The following RFTN2 variants were observed in gnomAD, a reference collection of about 807,000 sequenced individuals.
RFTN2 encodes the protein raftlin-2.
In RFTN2, 34 loss-of-function variants were observed where a neutral mutation model predicts 52.7. The ratio of observed to expected loss-of-function variants is 0.64; its 90% CI spans 0.49 to 0.86. RFTN2 has a LOEUF of 0.86. Ranked by LOEUF, RFTN2 falls within the 40% of genes least tolerant of loss-of-function variation. The pLI, the probability that RFTN2 is intolerant of heterozygous loss-of-function variation, is 0.00. For missense variants in RFTN2, 536 were observed against 600.1 expected (o/e 0.89, Z 1.12); for synonymous variants, 203 against 217.7 (o/e 0.93, Z 0.59).
chr2:197,664,475 CAAA>C (rs60640814), intron 1 of RFTN2, among the ~76,000 whole-genome samples: 4 of 143,366 alleles, frequency 2.8e-5, no homozygotes, highest in Admixed American at 7.0e-5. Flanking sequence ...GACCCCATCT[CAAA>C]AAAAAAAAAA....
intron 5 of RFTN2, among the ~76,000 whole-genome samples, chr2:197,620,401 G>A (rs1332392433): frequency 1.3e-5 from 2 of 152,264 alleles, no homozygotes; most frequent in East Asian, 3.9e-4. Flanking sequence ...GTCATGTGCT[G>A]CTTAAACATT....
intron 1 of RFTN2, among the ~76,000 whole-genome samples, chr2:197,673,272 A>G (rs965721534): frequency 6.6e-6 from 1 of 152,184 alleles, no homozygotes; most frequent in Non-Finnish European, 1.5e-5. Context: ...GAAAGCTGGC[A>G]TGTTTTAACC....
chr2:197,645,292 A>G (rs558973012), intron 2 of RFTN2, among the ~76,000 whole-genome samples: 2 of 152,326 alleles, frequency 1.3e-5, no homozygotes, highest in South Asian at 4.1e-4. Flanking sequence ...CAGACTGTAC[A>G]GGTTTGGAGT....
chr2:197,568,418 A>G lies in RFTN2; in HGVS notation c.*3590T>C, dbSNP rs1306999552. On this transcript the variant is annotated 3_prime_UTR_variant, in exon 9 of 9. Transcript: ENST00000295049. The stretch of plus-strand genomic sequence containing the variant: ...TGCCTAATTTTCTGCCTCAAACACC[A>G]TCTCAGAACTTAAATATCTGACAGA... 6.6e-6 allele frequency: 1 copy of G among 152,214 alleles called. No homozygotes were observed. The highest frequency in any genetic ancestry group is 1.5e-5 in the Non-Finnish European group (1 of 68,040). The allele number at this position is 152,214 out of a possible 1,614,324, so 9.4% of individuals were successfully genotyped here.
intron 7 of RFTN2, among the ~76,000 whole-genome samples, chr2:197,605,604 T>C (rs1289343751): frequency 1.3e-5 from 2 of 152,170 alleles, no homozygotes; most frequent in African/African-American, 2.4e-5. Context: ...TTTCTGACAT[T>C]GCTTTGCTTA....
At chr2:197,666,018 T>G (rs1421757988) in intron 1 of RFTN2, among the ~76,000 whole-genome samples, 1 of 152,208 alleles carries the variant, frequency 6.6e-6, no homozygotes, top group African/African-American at 2.4e-5. Flanking sequence ...CTTGAACATT[T>G]CTCATAGGGC....
At chr2:197,575,230 C>T (rs1049809078) in intron 8 of RFTN2, among the ~76,000 whole-genome samples, 4 of 152,204 alleles carry the variant, frequency 2.6e-5, no homozygotes, top group African/African-American at 7.2e-5. Context: ...TCACCTTCCG[C>T]CATGGTTGTG....
chr2:197,633,991 C>T lies in RFTN2; in HGVS notation c.445G>A (p.Val149Ile), dbSNP rs756237903. The T allele has an allele frequency of 6.2e-7, 1 of 1,605,944 alleles. No individual in the cohort carries two copies. Among genetic ancestry groups the T allele is most frequent in the East Asian group, 2.2e-5 (1 of 44,810 alleles). ...AATTTCATTCCTCTTTTAGCAGCGACATTAATCTGATATTTAAAAAGAGAT... is the reference window on the plus strand; with the variant it reads ...AATTTCATTCCTCTTTTAGCAGCGATATTAATCTGATATTTAAAAAGAGAT... ...AAKELIEKIN[V>I]AAKRGMKFVG... Residue 149 changes from valine (V) to isoleucine (I), a missense_variant, in exon 4 of 9, where the codon GTC becomes ATC. Val to Ile is a conservative substitution (Grantham distance 29, BLOSUM62 3). Coordinates refer to ENST00000295049, the MANE Select transcript of RFTN2 (RefSeq NM_144629.3).
intron 7 of RFTN2, among the ~76,000 whole-genome samples, chr2:197,608,395 C>T (rs2087996491): frequency 6.6e-6 from 1 of 151,418 alleles, no homozygotes. Context: ...CACTGCAACC[C>T]CTGCCTCCCT....
intron 7 of RFTN2, among the ~76,000 whole-genome samples, chr2:197,609,735 G>T (rs1402653765): frequency 6.6e-6 from 1 of 152,140 alleles, no homozygotes; most frequent in Non-Finnish European, 1.5e-5. Context: ...TTCTTCTAGG[G>T]TTTTTATGGT....
intron 7 of RFTN2, among the ~76,000 whole-genome samples, chr2:197,600,216 C>G (rs1559344539): frequency 6.6e-6 from 1 of 152,050 alleles, no homozygotes; most frequent in Non-Finnish European, 1.5e-5. Flanking sequence ...TTCCAGTGGC[C>G]CTATGGGGAG....
chr2:197,593,759 T>C (rs1218157512), intron 8 of RFTN2, among the ~76,000 whole-genome samples: 2 of 151,414 alleles, frequency 1.3e-5, no homozygotes, highest in Non-Finnish European at 2.9e-5. Context: ...TGGTGGTGTG[T>C]GCCTGTAGTC....
At chr2:197,588,165 C>A (rs1248513642) in intron 8 of RFTN2, 2 of 381,924 alleles carry the variant, frequency 5.2e-6, no homozygotes, top group Non-Finnish European at 1.0e-5. Flanking sequence ...ATAATTCCAT[C>A]TCCCAGAAAT....
chr2:197,666,575 T>C (rs950599591), intron 1 of RFTN2, among the ~76,000 whole-genome samples: 4 of 152,228 alleles, frequency 2.6e-5, no homozygotes, highest in Non-Finnish European at 4.4e-5. Flanking sequence ...AATTCTCTCT[T>C]TGTATTTAAC....
chr2:197,603,287 TAAAC>T (rs1318160083), intron 7 of RFTN2, among the ~76,000 whole-genome samples: 2 of 152,166 alleles, frequency 1.3e-5, no homozygotes, highest in African/African-American at 4.8e-5. Flanking sequence ...AGAGATTTCT[TAAAC>T]AATATACTAA....
rs2087790292 is a variant in RFTN2, at chr2:197,596,030, C to T, written c.1194G>A (p.Gln398=). ...CAGCTGAATTCCACATAACTGGCCT[C>T]TGAAGGAATACGATCTGCTTTGTAG... ...NLATKQIVFL[Q]RPVMWNSAAQ... is the part of the protein sequence containing the mutation. The change falls in exon 8 of 9, where the codon CAG becomes CAA. Residue 398 remains glutamine, a synonymous_variant. Coordinates refer to ENST00000295049, the MANE Select transcript of RFTN2 (RefSeq NM_144629.3). 2 of 1,612,638 alleles carry T rather than the reference C, an allele frequency of 1.2e-6. No individual in the cohort carries two copies. The highest frequency in any genetic ancestry group is 1.3e-5 in the African/African-American group (1 of 74,888).
intron 5 of RFTN2, among the ~76,000 whole-genome samples, chr2:197,625,385 T>C (rs947224625): frequency 6.6e-6 from 1 of 152,176 alleles, no homozygotes; most frequent in Non-Finnish European, 1.5e-5. Flanking sequence ...ATATTGACAT[T>C]CCTGTAAAGG....
chr2:197,660,253 T>G (rs2088958994), intron 1 of RFTN2, among the ~76,000 whole-genome samples: 1 of 152,220 alleles, frequency 6.6e-6, no homozygotes, highest in Admixed American at 6.5e-5. Context: ...CCATAATAAA[T>G]TGTTAAGCAA....
At chr2:197,575,305 C>A (rs1429781044) in intron 8 of RFTN2, among the ~76,000 whole-genome samples, 6 of 152,124 alleles carry the variant, frequency 3.9e-5, no homozygotes, top group African/African-American at 9.7e-5. Context: ...ATTACCCAGT[C>A]TTGGGTATGT....
Sources: gnomAD v4.1 joint callset for allele counts (sites outside exome capture counted in the v4.1 genomes callset) on GRCh38, gnomAD v4.1.1 for gene constraint, MANE v1.5 for transcripts, NCBI Gene and HGNC (gene_info 2026-07-23, HGNC 2026-07-21) for gene names.